Variants in ASAP1 observed in about 807,000 individuals in gnomAD.
ASAP1 encodes ArfGAP with SH3 domain, ankyrin repeat and PH domain 1.
In ASAP1, 43 loss-of-function variants were observed where a neutral mutation model predicts 145.2. The observed-to-expected ratio is 0.30, with a 90% CI of 0.23 to 0.38. The LOEUF (loss-of-function observed/expected upper bound fraction) is 0.38. Ranked by LOEUF, ASAP1 falls within the 10% of genes least tolerant of loss-of-function variation. The pLI, the probability that ASAP1 is intolerant of heterozygous loss-of-function variation, is 1.00. For synonymous variants in ASAP1, 546 were observed against 515.5 expected (o/e 1.06, Z -0.80); for missense variants, 1,018 against 1,355.3 (o/e 0.75, Z 3.91).
At chr8:130,199,624 A>C (rs1815736883) in intron 5 of ASAP1, among the ~76,000 whole-genome samples, 1 of 152,228 alleles carries the variant, frequency 6.6e-6, no homozygotes, top group African/African-American at 2.4e-5. Flanking sequence ...TAGGCAGGTC[A>C]CTTTTTGTTT....
At position 130,072,791 on chromosome 8, in the gene ASAP1, A is replaced by ATGTGTGTGTGTGTGTGTGTGTGTGTGTG. The variant is rs1491261390; in HGVS notation, c.2701+3556_2701+3557insCACACACACACACACACACACACACACA. Among the ~76,000 whole-genome samples, 207 of 91,166 alleles carry ATGTGTGTGTGTGTGTGTGTGTGTGTGTG rather than the reference A, an allele frequency of 2.3e-3. 11 individuals carry two copies. Among genetic ancestry groups the ATGTGTGTGTGTGTGTGTGTGTGTGTGTG allele is most frequent in the South Asian group, 6.2e-3 (13 of 2,094 alleles). 59.8% of individuals were successfully genotyped at this position (91,166 alleles called of 152,430 possible). A position where few individuals can be genotyped will look rare whatever the true frequency, so the allele number is the denominator to read the frequency against. ...TTCTGAAGGCCTGGACTTGCAATTG[A>ATGTGTGTGTGTGTGTGTGTGTGTGTGTG]TATGTGTGTGTGTGTGTGTGTGTGT... is the stretch of plus-strand genomic sequence containing the variant. On this transcript the variant is annotated intron_variant, in intron 27 of 29. Transcript: ENST00000518721.
At chr8:130,292,091 T>TA (rs1821980907) in intron 3 of ASAP1, among the ~76,000 whole-genome samples, 1 of 152,156 alleles carries the variant, frequency 6.6e-6, no homozygotes, top group Admixed American at 6.5e-5. Flanking sequence ...TCCTACCCTT[T>TA]AGCTTCCTGC....
chr8:130,103,043 G>C (rs1470271184), intron 24 of ASAP1, among the ~76,000 whole-genome samples: 1 of 152,084 alleles, frequency 6.6e-6, no homozygotes, highest in African/African-American at 2.4e-5. Flanking sequence ...AAGCCATCTG[G>C]TCCTGGAGTT....
chr8:130,231,143 A>C (rs1406657299), intron 4 of ASAP1, among the ~76,000 whole-genome samples: 2 of 152,252 alleles, frequency 1.3e-5, no homozygotes, highest in Non-Finnish European at 2.9e-5. Flanking sequence ...TAATTTAACA[A>C]AATGAAAAAG....
Position 130,358,207 on chromosome 8 carries a change from C to T in ASAP1, c.60-64G>A. On this transcript the variant is annotated intron_variant, in intron 2 of 29. Coordinates refer to ENST00000518721, the MANE Select transcript of ASAP1 (RefSeq NM_018482.4). This position sits in a 1 kb window ranked among gnomAD's most constrained non-coding sequence, Gnocchi z 4.1. ...GAGTCACGGCGCAGGCTCCCGGGGC[C>T]GCGGGCCGCCCGGAGGCTCATGAAC... is the stretch of plus-strand genomic sequence containing the variant. 2.8e-6 allele frequency: 4 copies of T among 1,449,356 alleles called. No homozygotes were observed. The highest frequency in any genetic ancestry group is 2.8e-6 in the Non-Finnish European group (3 of 1,085,976). The allele number at this position is 1,449,356 out of a possible 1,614,324, so 89.8% of individuals were successfully genotyped here. A position where few individuals can be genotyped will look rare whatever the true frequency, so the allele number is the denominator to read the frequency against.
rs764537135 is a variant in ASAP1 at position 130,091,960 on chromosome 8, T to C, written c.2572+13A>G. 4.6e-6 allele frequency: 7 copies of C among 1,525,204 alleles called. No individual in the cohort carries two copies. Among genetic ancestry groups the C allele is most frequent in the South Asian group, 1.3e-5 (1 of 77,516 alleles). The allele number at this position is 1,525,204 out of a possible 1,614,324, so 94.5% of individuals were successfully genotyped here. ...GCCCCAGCAGCTTTGGCCCTGACTT[T>C]AGGATAACTTACCCCAAGGAACTGC... On this transcript the variant is annotated intron_variant, in intron 25 of 29. Transcript: ENST00000518721.
intron 9 of ASAP1, 96 bp downstream of exon 9, chr8:130,179,168 C>A (rs570192735): frequency 5.7e-6 from 4 of 701,070 alleles, no homozygotes; most frequent in Non-Finnish European, 7.1e-6. Context: ...TATTTAGTCA[C>A]GAGATGAAGA....
intron 2 of ASAP1, among the ~76,000 whole-genome samples, chr8:130,379,264 G>C (rs1827652537): frequency 6.6e-6 from 1 of 152,144 alleles, no homozygotes; most frequent in African/African-American, 2.4e-5. Context: ...CCTGGCCCTA[G>C]CATCGCTTCT....
chr8:130,267,288 G>C (rs1372745679), intron 3 of ASAP1, among the ~76,000 whole-genome samples: 1 of 152,088 alleles, frequency 6.6e-6, no homozygotes, highest in Non-Finnish European at 1.5e-5. Flanking sequence ...AGGAAAACAA[G>C]AGTAACAAGA....
At chr8:130,067,888 T>C (rs913385996) in intron 27 of ASAP1, among the ~76,000 whole-genome samples, 2 of 152,296 alleles carry the variant, frequency 1.3e-5, no homozygotes, top group African/African-American at 4.8e-5. Flanking sequence ...TTTATATTAA[T>C]AGCGACATAA....
chr8:130,138,642 G>A (rs1394010867), intron 13 of ASAP1, among the ~76,000 whole-genome samples: 1 of 151,992 alleles, frequency 6.6e-6, no homozygotes, highest in Non-Finnish European at 1.5e-5. Flanking sequence ...TTCCAGACCC[G>A]CCTGATCAAC....
chr8:130,149,557 C>A (rs900893111), intron 13 of ASAP1, among the ~76,000 whole-genome samples: 2 of 152,148 alleles, frequency 1.3e-5, no homozygotes, highest in Admixed American at 1.3e-4. Context: ...TAAATGCATA[C>A]TTGGCCTTCT....
In ASAP1 at chr8:130,268,534, C is replaced by CAA. The variant is rs1554864120; in HGVS notation, c.187-31542_187-31541dup. 4.3e-3 allele frequency among the ~76,000 whole-genome samples: 631 copies of CAA among 145,636 alleles called. 1 individual carries two copies. Among genetic ancestry groups the CAA allele is most frequent in the African/African-American group, 0.016 (589 of 37,024 alleles). Reference sequence around the variant, plus strand: ...ACACACACACACACACACACACACACAACTGTGTAACTATAGAGCAATATT... The same window carrying CAA: ...ACACACACACACACACACACACACACAAAACTGTGTAACTATAGAGCAATATT... On this transcript the variant is annotated intron_variant, in intron 3 of 29. Coordinates refer to ENST00000518721, the MANE Select transcript of ASAP1 (RefSeq NM_018482.4).
chr8:130,116,913 G>A lies in ASAP1; in HGVS notation c.1963C>T (p.Leu655Phe). Residue 655 changes from leucine to phenylalanine, a missense_variant, in exon 21 of 30, where the codon CTT (leucine) becomes TTT (phenylalanine). This residue lies in a region of ASAP1 where 353 missense variants were observed against 375.4 expected (regional missense o/e 0.94). Coordinates refer to ENST00000518721, the MANE Select transcript of ASAP1 (RefSeq NM_018482.4). ...ACAGTGGGCTTGCTCCTGAGCAAAAGCTTCAAACACTCAGGTTTACTGTAC... is the reference window on the plus strand; with the variant it reads ...ACAGTGGGCTTGCTCCTGAGCAAAAACTTCAAACACTCAGGTTTACTGTAC... ...SMYSKPECLK[L>F]LLRSKPTVDI... 6.2e-7 allele frequency: 1 copy of A among 1,614,026 alleles called. No homozygotes were observed. Among genetic ancestry groups the A allele is most frequent in the Non-Finnish European group, 8.5e-7 (1 of 1,179,946 alleles).
intron 13 of ASAP1, among the ~76,000 whole-genome samples, chr8:130,144,231 C>T (rs188602055): frequency 2.0e-5 from 3 of 152,154 alleles, no homozygotes; most frequent in Admixed American, 1.3e-4. Context: ...GAGATCTTAT[C>T]GCCAGAATTT....
chr8:130,272,227 TA>T (rs982374083), intron 3 of ASAP1, among the ~76,000 whole-genome samples: 2 of 151,138 alleles, frequency 1.3e-5, no homozygotes, highest in Admixed American at 6.6e-5. Context: ...AGCAGGTATA[TA>T]AAAAAAAATT....
intron 3 of ASAP1, among the ~76,000 whole-genome samples, chr8:130,356,595 G>C (rs952317287): frequency 6.6e-6 from 1 of 152,214 alleles, no homozygotes; most frequent in East Asian, 1.9e-4. Flanking sequence ...AACAAACCTA[G>C]TTAGGTGGTA....
At chr8:130,195,346 G>A (rs1000997661) in intron 5 of ASAP1, 1 of 141,672 alleles carries the variant, frequency 7.1e-6, no homozygotes, top group African/African-American at 2.6e-5. Flanking sequence ...AGAACAGCCT[G>A]GGAAGTATAG....
intron 3 of ASAP1, 87 bp downstream of exon 3, chr8:130,357,930 C>G: frequency 6.7e-7 from 1 of 1,493,106 alleles, no homozygotes. Context: ...GCCCCCGCGT[C>G]CCCTTCCTCC....
Sources: gnomAD v4.1 joint callset for allele counts (sites outside exome capture counted in the v4.1 genomes callset) on GRCh38, gnomAD v4.1.1 for gene constraint, gnomAD v4.1.1 regional missense constraint, Gnocchi (gnomAD v3.1) non-coding constraint, MANE v1.5 for transcripts, NCBI Gene and HGNC (gene_info 2026-07-23, HGNC 2026-07-21) for gene names.